Variants in OR51B5 observed in about 807,000 individuals in gnomAD.
OR51B5 encodes olfactory receptor 51B5.
For missense variants in OR51B5, 456 were observed against 374.6 expected, an observed-to-expected ratio of 1.22 and a Z score of -1.79; for synonymous variants, 186 against 144.8, an observed-to-expected ratio of 1.28 and a Z score of -2.04.
chr11:5,414,545 A>C (rs1235771337), intron 1 of OR51B5, among the ~76,000 whole-genome samples: 2 of 151,286 alleles, frequency 1.3e-5, no homozygotes, highest in African/African-American at 2.4e-5. Flanking sequence ...CCCATCTCAC[A>C]TGCAGAGACA....
At chr11:5,430,563 C>T in intron 1 of OR51B5, 1 of 368,404 alleles carries the variant, frequency 2.7e-6, no homozygotes, top group South Asian at 2.0e-5. Flanking sequence ...CCTATTCCTC[C>T]TCAAAATGCC....
At chr11:5,379,389 A>G (rs1408726369) in intron 1 of OR51B5, among the ~76,000 whole-genome samples, 1 of 152,112 alleles carries the variant, frequency 6.6e-6, no homozygotes, top group Non-Finnish European at 1.5e-5. Context: ...GCAGCACACC[A>G]ACATGGCACA....
Position 5,416,462 on chromosome 11 carries a change from A to T in OR51B5, n.85-69552T>A, listed in dbSNP as rs960253397. 1.0e-3 allele frequency among the ~76,000 whole-genome samples: 155 copies of T among 152,210 alleles called. 1 individual carries two copies. Among genetic ancestry groups the T allele is most frequent in the African/African-American group, 3.5e-3 (145 of 41,548 alleles). On this transcript the variant is annotated intron_variant and non_coding_transcript_variant, in intron 1 of 4. Coordinates refer to the OR51B5 transcript ENST00000415970. The stretch of plus-strand genomic sequence containing the variant: ...CAGGAAAAGGAAATAAAGAGTATTC[A>T]ATTAGGAAAAGAGGAAGTCAAATTG...
At chr11:5,464,197 T>C (rs1851097925) in intron 1 of OR51B5, among the ~76,000 whole-genome samples, 1 of 152,216 alleles carries the variant, frequency 6.6e-6, no homozygotes, top group Non-Finnish European at 1.5e-5. Flanking sequence ...GCCAAGTGGG[T>C]TTTTCTATAT....
intron 1 of OR51B5, among the ~76,000 whole-genome samples, chr11:5,396,738 A>T (rs1034198636): frequency 1.3e-5 from 2 of 151,986 alleles, no homozygotes; most frequent in Non-Finnish European, 2.9e-5. Flanking sequence ...AAGAGCCCGC[A>T]TCGCCAAGTC....
chr11:5,463,508 A>C (rs999873492), intron 1 of OR51B5, among the ~76,000 whole-genome samples: 2 of 152,226 alleles, frequency 1.3e-5, no homozygotes. Flanking sequence ...CTCAACCTTC[A>C]TTCTTCCTAG....
rs117662980 is a variant in OR51B5, at chr11:5,453,355, G to A, written n.84+52214C>T. ...TCAAAAGCAGTGATTTCATGAATGC[G>A]TCAGTTTCCATTTATGTCAACATCA... On this transcript the variant is annotated intron_variant and non_coding_transcript_variant, in intron 1 of 4. Transcript: ENST00000415970. The A allele has an allele frequency of 2.2e-3, 1,214 of 549,092 alleles. 4 individuals are homozygous for A. Among genetic ancestry groups the A allele is most frequent in the Non-Finnish European group, 3.3e-3 (1,080 of 329,798 alleles). 34.0% of individuals were successfully genotyped at this position (549,092 alleles called of 1,614,324 possible). A position where few individuals can be genotyped will look rare whatever the true frequency, so the allele number is the denominator to read the frequency against.
chr11:5,394,539 A>C (rs184362256), intron 1 of OR51B5, among the ~76,000 whole-genome samples: 2 of 152,312 alleles, frequency 1.3e-5, no homozygotes, highest in Admixed American at 6.5e-5. Context: ...TAATATCCAC[A>C]AGCCTCTCTA....
In OR51B5 at chr11:5,343,367, AGATTGTGATCTTCCTTAATG is replaced by A. The variant is rs760634386; in HGVS notation, c.138_157del (p.Ile47SerfsTer2). The A allele has an allele frequency of 4.3e-6, 7 of 1,613,684 alleles. No individual in the cohort carries two copies. In the African/African-American group the frequency reaches 9.3e-5, roughly 22 times the overall value. On this transcript the variant is annotated frameshift_variant, in exon 1 of 1. Transcript: ENST00000300773. LOFTEE classifies it low-confidence loss of function (END_TRUNC). ...CAGAAAGAAGTACATGGGCTCATGA[AGATTGTGATCTTCCTTAATG>A]AGAAGAAGGAGGGTGCCATTGCCAA...
intron 1 of OR51B5, among the ~76,000 whole-genome samples, chr11:5,473,258 T>G (rs986433497): frequency 6.6e-6 from 1 of 152,208 alleles, no homozygotes; most frequent in African/African-American, 2.4e-5. Context: ...GCCTGTTGAC[T>G]CTGGAGTTTT....
At chr11:5,369,409 C>T (rs1289287083) in intron 1 of OR51B5, among the ~76,000 whole-genome samples, 1 of 152,116 alleles carries the variant, frequency 6.6e-6, no homozygotes, top group African/African-American at 2.4e-5. Flanking sequence ...AGGAGAATTA[C>T]ATCTATTATA....
At chr11:5,343,841 ACT>A (rs1368322190), upstream of OR51B5, among the ~76,000 whole-genome samples, 8 of 152,336 alleles carry the variant, frequency 5.3e-5, no homozygotes, top group African/African-American at 1.7e-4. Context: ...GTTACCCTTA[ACT>A]ATGCAGATTT....
chr11:5,352,099 G>C, intron 1 of OR51B5: 3 of 1,614,118 alleles, frequency 1.9e-6, no homozygotes, highest in East Asian at 4.5e-5. Context: ...TCTCTATCCA[G>C]TTGTAGTTTT....
At chr11:5,466,972 T>C (rs567077169) in intron 1 of OR51B5, among the ~76,000 whole-genome samples, 2 of 152,288 alleles carry the variant, frequency 1.3e-5, no homozygotes, top group South Asian at 4.1e-4. Flanking sequence ...TTCTCTCTTA[T>C]GCAAGTGGAT....
intron 1 of OR51B5, among the ~76,000 whole-genome samples, chr11:5,463,524 A>C (rs1404030980): frequency 1.3e-5 from 2 of 152,212 alleles, no homozygotes; most frequent in Non-Finnish European, 2.9e-5. Flanking sequence ...CCTAGCAGAG[A>C]TATTTCGTCA....
chr11:5,412,218 T>C (rs1020321469), intron 1 of OR51B5, among the ~76,000 whole-genome samples: 3 of 152,196 alleles, frequency 2.0e-5, no homozygotes, highest in Non-Finnish European at 2.9e-5. Context: ...AATATGACTA[T>C]ATCTTCTTGA....
chr11:5,474,183 G>A (rs1278320184), intron 1 of OR51B5, among the ~76,000 whole-genome samples: 2 of 152,096 alleles, frequency 1.3e-5, no homozygotes, highest in African/African-American at 2.4e-5. Flanking sequence ...AAGCACCTAT[G>A]AGTATTTTTA....
At chr11:5,450,464 G>A (rs76208842) in intron 1 of OR51B5, among the ~76,000 whole-genome samples, 10 of 152,006 alleles carry the variant, frequency 6.6e-5, no homozygotes, top group African/African-American at 1.9e-4. Context: ...ATATTTCTAC[G>A]CTTATATAGC....
intron 1 of OR51B5, chr11:5,392,427 G>T (rs1849809205): frequency 6.6e-6 from 1 of 152,162 alleles, no homozygotes; most frequent in Non-Finnish European, 1.5e-5. Flanking sequence ...TTAGGATTTG[G>T]ATTTAGATTA....
Sources: allele counts gnomAD v4.1 joint callset (sites outside exome capture counted in the v4.1 genomes callset), GRCh38; gene constraint gnomAD v4.1.1; transcripts MANE v1.5; gene names NCBI Gene and HGNC (gene_info 2026-07-23, HGNC 2026-07-21).